Variants in SLC35C1 observed in about 807,000 individuals in gnomAD.
The protein encoded by SLC35C1 is solute carrier family 35 member C1.
Under a neutral mutation model 23.2 loss-of-function variants are expected in SLC35C1, and 8 were observed. That is an observed-to-expected ratio of 0.35 (90% CI 0.20 to 0.62). The LOEUF (loss-of-function observed/expected upper bound fraction) is 0.62. SLC35C1 is among the 20% of genes least tolerant of loss of function. The probability of loss-of-function intolerance (pLI) is 0.75; values close to 1 mark genes in which losing one functional copy is unlikely to be tolerated. For missense variants in SLC35C1, 422 were observed against 478.6 expected, an observed-to-expected ratio of 0.88 and a Z score of 1.10; for synonymous variants, 226 against 225.1, an observed-to-expected ratio of 1.00 and a Z score of -0.04.
At chr11:45,804,947 C>T (rs2085850842), upstream of SLC35C1, 4 of 985,518 alleles carry the variant, frequency 4.1e-6, no homozygotes, top group Admixed American at 6.1e-5. Context: ...CAGGGCGAGG[C>T]TCAAGCACCC....
In SLC35C1 at chr11:45,812,683, A is replaced by G. The variant is rs1430174378; in HGVS notation, c.*1348A>G. 2.2e-6 allele frequency: 1 copy of G among 455,374 alleles called. No individual in the cohort carries two copies. The highest frequency in any genetic ancestry group is 4.4e-6 in the Non-Finnish European group (1 of 226,544). 28.2% of individuals were successfully genotyped at this position (455,374 alleles called of 1,614,324 possible). On this transcript the variant is annotated 3_prime_UTR_variant, in exon 2 of 2. Transcript: ENST00000314134. ...TGACCCAATCAGCTCCAAAGGCCCC[A>G]CCTCCTAATACTGTCACCTTGGGGG...
chr11:45,811,006 C>G lies in SLC35C1; in HGVS notation c.766C>G (p.Arg256Gly), dbSNP rs374599500. 1 of 1,612,864 alleles carries G rather than the reference C, an allele frequency of 6.2e-7. No homozygotes were observed. The highest frequency in any genetic ancestry group is 2.2e-5 in the East Asian group (1 of 44,878). ...LLLLGELQAL[R>G]DFAQLGSAHF... ...GCTGCTCGGGGAGCTTCAGGCCCTG[C>G]GTGACTTTGCCCAGCTGGGCAGTGC... The change falls in exon 2 of 2, where the codon CGT (arginine) becomes GGT (glycine). Residue 256 changes from arginine (R) to glycine (G), a missense_variant. Physicochemically the swap from Arg to Gly is moderately radical, Grantham distance 125. Transcript: ENST00000314134.
In SLC35C1 at chr11:45,811,583, T is replaced by G; in HGVS notation, c.*248T>G. On this transcript the variant is annotated 3_prime_UTR_variant, in exon 2 of 2. Coordinates refer to ENST00000314134, the MANE Select transcript of SLC35C1 (RefSeq NM_018389.5). ...CAAACCCTTCTCTATCCTCTCGTATTTCTGAGTTTTTGTCCTTCCCGAGGG... is the reference window on the plus strand; with the variant it reads ...CAAACCCTTCTCTATCCTCTCGTATGTCTGAGTTTTTGTCCTTCCCGAGGG... The G allele has an allele frequency of 2.3e-6, 1 of 436,808 alleles. No homozygotes were observed. The highest frequency in any genetic ancestry group is 4.0e-6 in the Non-Finnish European group (1 of 247,364). The allele number at this position is 436,808 out of a possible 1,614,324, so 27.1% of individuals were successfully genotyped here.
At chr11:45,806,381 C>T (rs1296112617) in intron 1 of SLC35C1, 45 bp downstream of exon 1, 2 of 1,602,590 alleles carry the variant, frequency 1.2e-6, no homozygotes, top group Non-Finnish European at 1.7e-6. Flanking sequence ...GTCATGGGGA[C>T]TGAAGCAGTG....
At position 45,805,815 on chromosome 11, in the gene SLC35C1, C is replaced by A; in HGVS notation, c.14C>A (p.Pro5His). 6.2e-7 allele frequency: 1 copy of A among 1,613,748 alleles called. No individual in the cohort carries two copies. The highest frequency in any genetic ancestry group is 2.2e-5 in the East Asian group (1 of 44,880). Residue 5 changes from proline to histidine, a missense_variant, in exon 1 of 2, where the codon CCT (proline) becomes CAT (histidine). By Grantham distance (77) the Pro-to-His change is moderately conservative. Coordinates refer to ENST00000314134, the MANE Select transcript of SLC35C1 (RefSeq NM_018389.5). MNRA[P>H]LKRSRILHMA... ...TCCTCTGCTACCATGAATAGGGCCC[C>A]TCTGAAGCGGTCCAGGATCCTGCAC...
At chr11:45,805,071 C>CG, upstream of SLC35C1, 1 of 985,698 alleles carries the variant, frequency 1.0e-6, no homozygotes, top group South Asian at 4.7e-5. Context: ...AAGGGCAAGG[C>CG]GGGGCGTGCG....
At chr11:45,804,179 G>A (rs2085839802), upstream of SLC35C1, 1 of 152,452 alleles carries the variant, frequency 6.6e-6, no homozygotes, top group African/African-American at 2.4e-5. Context: ...TCCCGGGCGG[G>A]CGGGGGTACC....
chr11:45,810,094 A>T (rs536572175), intron 1 of SLC35C1: 2 of 985,324 alleles, frequency 2.0e-6, no homozygotes, highest in Non-Finnish European at 2.4e-6. Flanking sequence ...TGGGGCGACC[A>T]TAGGACAGAG....
In SLC35C1 at chr11:45,805,924, C is replaced by T. The variant is rs1590742957; in HGVS notation, c.123C>T (p.Ile41=). The change falls in exon 1 of 2, where the codon ATC becomes ATT. Residue 41 remains isoleucine (I), a synonymous_variant. Coordinates refer to ENST00000314134, the MANE Select transcript of SLC35C1 (RefSeq NM_018389.5). ...CCTTTCTGCTGCGGGCATTGCAGAT[C>T]GCGCTGGTGGTCTCCCTCTACTGGG... is the stretch of plus-strand genomic sequence containing the variant. ...EKPFLLRALQ[I]ALVVSLYWVT... 6.2e-7 allele frequency: 1 copy of T among 1,614,208 alleles called. No individual in the cohort carries two copies. The highest frequency in any genetic ancestry group is 2.2e-5 in the East Asian group (1 of 44,880).
chr11:45,806,466 G>C (rs1308984623), intron 1 of SLC35C1, 130 bp downstream of exon 1: 1 of 1,272,026 alleles, frequency 7.9e-7, no homozygotes, highest in Non-Finnish European at 1.1e-6. Flanking sequence ...AGGAGAAAGA[G>C]CCTGGGGGCA....
At chr11:45,809,101 T>G (rs1206323842) in intron 1 of SLC35C1, among the ~76,000 whole-genome samples, 1 of 152,226 alleles carries the variant, frequency 6.6e-6, no homozygotes, top group South Asian at 2.1e-4. Flanking sequence ...ATAACAACTT[T>G]CATTCATTCA....
At chr11:45,804,717 G>A (rs977231217), upstream of SLC35C1, 4 of 985,580 alleles carry the variant, frequency 4.1e-6, no homozygotes, top group African/African-American at 7.0e-5. Context: ...CCACAACATT[G>A]TTATGGAAGA....
intron 1 of SLC35C1, among the ~76,000 whole-genome samples, chr11:45,807,690 G>A (rs16938376): frequency 0.1 from 15,942 of 152,218 alleles, 2,094 homozygotes; most frequent in African/African-American, 0.3. Flanking sequence ...TTGTTGAGCA[G>A]CTGCTGGATC....
Position 45,811,552 on chromosome 11 carries a change from A to C in SLC35C1, c.*217A>C. 1 of 475,726 alleles carries C rather than the reference A, an allele frequency of 2.1e-6. No individual in the cohort carries two copies. Among genetic ancestry groups the C allele is most frequent in the Non-Finnish European group, 3.7e-6 (1 of 272,360 alleles). 29.5% of individuals were successfully genotyped at this position (475,726 alleles called of 1,614,324 possible). A position where few individuals can be genotyped will look rare whatever the true frequency, so the allele number is the denominator to read the frequency against. ...CCAGTGTTTACAAGTAATACCAGAA[A>C]GTTGCCAAACCCTTCTCTATCCTCT... is the stretch of plus-strand genomic sequence containing the variant. On this transcript the variant is annotated 3_prime_UTR_variant, in exon 2 of 2. Transcript: ENST00000314134.
At chr11:45,807,118 A>G (rs2085886215) in intron 1 of SLC35C1, among the ~76,000 whole-genome samples, 1 of 152,214 alleles carries the variant, frequency 6.6e-6, no homozygotes, top group Non-Finnish European at 1.5e-5. Context: ...ACTGAGGCTC[A>G]GAGATGTTAC....
chr11:45,805,946 T>A lies in SLC35C1; in HGVS notation c.145T>A (p.Trp49Arg), dbSNP rs761683546. 6.2e-7 allele frequency: 1 copy of A among 1,614,190 alleles called. No homozygotes were observed. Among genetic ancestry groups the A allele is most frequent in the Non-Finnish European group, 8.5e-7 (1 of 1,180,010 alleles). ...GATCGCGCTGGTGGTCTCCCTCTAC[T>A]GGGTCACCTCCATCTCCATGGTGTT... Reference protein sequence around the residue: ...LQIALVVSLYWVTSISMVFLN... With the variant: ...LQIALVVSLYRVTSISMVFLN... The change falls in exon 1 of 2, where the codon TGG becomes AGG. Residue 49 changes from tryptophan (W) to arginine (R), a missense_variant. Physicochemically the swap from Trp to Arg is moderately radical, Grantham distance 101 (BLOSUM62 -3). Coordinates refer to ENST00000314134, the MANE Select transcript of SLC35C1 (RefSeq NM_018389.5).
intron 1 of SLC35C1, 69 bp downstream of exon 1, chr11:45,806,405 C>T: frequency 1.3e-6 from 2 of 1,548,202 alleles, no homozygotes; most frequent in Middle Eastern, 1.7e-4. Flanking sequence ...AACAACTCTT[C>T]TAGGCATCCT....
rs2085873412 is a variant in SLC35C1, at chr11:45,806,189, T to G, written c.388T>G (p.Phe130Val). Reference sequence around the variant, plus strand: ...GGTGGTCTTCATCGGCATGATCACCTTCAATAACCTCTGCCTCAAGTACGT... The same window carrying G: ...GGTGGTCTTCATCGGCATGATCACCGTCAATAACCTCTGCCTCAAGTACGT... ...LSVVFIGMITFNNLCLKYVGV... is the reference protein window; with the variant it reads ...LSVVFIGMITVNNLCLKYVGV... Residue 130 changes from phenylalanine (F) to valine (V), a missense_variant, in exon 1 of 2, where the codon TTC becomes GTC. Transcript: ENST00000314134. 1 of 1,605,238 alleles carries G rather than the reference T, an allele frequency of 6.2e-7. No homozygotes were observed. The highest frequency in any genetic ancestry group is 8.5e-7 in the Non-Finnish European group (1 of 1,179,976).
rs2085925153 is a variant in SLC35C1 at position 45,810,357 on chromosome 11, T to TA, written c.536-417dup. On this transcript the variant is annotated intron_variant, in intron 1 of 1. Coordinates refer to ENST00000314134, the MANE Select transcript of SLC35C1 (RefSeq NM_018389.5). ...GGTCACCTTAAATCACATTAACCACTAAGTGGCACTCATTCTTCAGAACTC... is the reference window on the plus strand; with the variant it reads ...GGTCACCTTAAATCACATTAACCACTAAAGTGGCACTCATTCTTCAGAACTC... 3.0e-6 allele frequency: 3 copies of TA among 985,418 alleles called. No individual in the cohort carries two copies. The South Asian group carries it at 1.4e-4, about 46-fold the overall frequency. The allele number at this position is 985,418 out of a possible 1,614,324, so 61.0% of individuals were successfully genotyped here.
Sources: allele counts gnomAD v4.1 joint callset (sites outside exome capture counted in the v4.1 genomes callset), GRCh38; gene constraint gnomAD v4.1.1; transcripts MANE v1.5; gene names NCBI Gene and HGNC (gene_info 2026-07-23, HGNC 2026-07-21).